The following PEPD variants were observed in gnomAD, a reference collection of about 807,000 sequenced individuals.
The protein encoded by PEPD is xaa-Pro dipeptidase.
PEPD carries 53 observed loss-of-function variants against 60.7 expected under a neutral mutation model. The ratio of observed to expected loss-of-function variants is 0.87; its 90% CI spans 0.70 to 1.10. The LOEUF is 1.10. PEPD is among the 50% of genes least tolerant of loss of function. The probability of loss-of-function intolerance (pLI) is 0.00; values close to 1 mark genes in which losing one functional copy is unlikely to be tolerated. For synonymous variants in PEPD, 267 were observed against 284.1 expected, an observed-to-expected ratio of 0.94 and a Z score of 0.60; for missense variants, 711 against 711.9, an observed-to-expected ratio of 1.00 and a Z score of 0.01.
chr19:33,511,997 T>C (rs944039939), intron 2 of PEPD, among the ~76,000 whole-genome samples: 50 of 152,124 alleles, frequency 3.3e-4, no homozygotes, highest in Non-Finnish European at 6.6e-4. Flanking sequence ...CGCCTTCCCA[T>C]ATCCTCTCCA....
At chr19:33,511,529 A>C (rs1970927000) in intron 2 of PEPD, 2 of 345,994 alleles carry the variant, frequency 5.8e-6, no homozygotes, top group Admixed American at 4.0e-5. Flanking sequence ...TCTGACGCCC[A>C]GGCCGGATAT....
intron 9 of PEPD, among the ~76,000 whole-genome samples, chr19:33,443,853 TATC>T (rs927004892): frequency 6.6e-6 from 1 of 152,032 alleles, no homozygotes; most frequent in Admixed American, 6.6e-5. Flanking sequence ...TGGGTGTACA[TATC>T]ACACACTTGC....
intron 11 of PEPD, among the ~76,000 whole-genome samples, chr19:33,406,151 G>A (rs1295303284): frequency 6.6e-6 from 1 of 152,202 alleles, no homozygotes; most frequent in African/African-American, 2.4e-5. Context: ...CTTGGCAGGC[G>A]GGAGGGAGAG....
intron 9 of PEPD, among the ~76,000 whole-genome samples, chr19:33,451,646 T>C (rs1176268230): frequency 1.3e-5 from 2 of 152,182 alleles, no homozygotes; most frequent in Non-Finnish European, 2.9e-5. Context: ...ATTTGAACAA[T>C]GAGTATGCTG....
chr19:33,512,858 G>A (rs948633066), intron 1 of PEPD, 82 bp from the exon 2 acceptor site: 15 of 1,502,164 alleles, frequency 1.0e-5, no homozygotes, highest in African/African-American at 6.9e-5. Context: ...CGGGGTGACC[G>A]GAGGCCCGAG....
intron 9 of PEPD, among the ~76,000 whole-genome samples, chr19:33,432,010 A>AAAAAAAG (rs1031542443): frequency 6.8e-6 from 1 of 147,514 alleles, no homozygotes; most frequent in African/African-American, 2.6e-5. Context: ...AAAAAAAAAA[A>AAAAAAAG]GGGAAGATTA....
Position 33,407,782 on chromosome 19 carries a change from G to A in PEPD, c.818+3890C>T, listed in dbSNP as rs189071060. Among the ~76,000 whole-genome samples, 230 of 152,340 alleles carry A rather than the reference G, an allele frequency of 1.5e-3. 1 individual carries two copies. The highest frequency in any genetic ancestry group is 2.2e-3 in the Non-Finnish European group (149 of 68,034). On this transcript the variant is annotated intron_variant, in intron 11 of 14. Coordinates refer to ENST00000244137, the MANE Select transcript of PEPD (RefSeq NM_000285.4). ...CTCTGAGAACAACAGCAAAACCCCC[G>A]GAGGCTTGACGGCTACAGGCCCCAC...
intron 9 of PEPD, among the ~76,000 whole-genome samples, chr19:33,448,754 C>T (rs192760434): frequency 5.4e-4 from 82 of 152,264 alleles, no homozygotes; most frequent in Non-Finnish European, 9.8e-4. Flanking sequence ...GTAGCAAGCA[C>T]CACGCTGCTG....
At chr19:33,431,202 G>A (rs556300205) in intron 9 of PEPD, among the ~76,000 whole-genome samples, 1 of 147,592 alleles carries the variant, frequency 6.8e-6, no homozygotes, top group South Asian at 2.2e-4. Flanking sequence ...GAGGGAGGGA[G>A]AGAGGGAGGG....
At position 33,393,276 on chromosome 19, in the gene PEPD, T is replaced by TGGGGTCTGGCGTGGGGGAGAGCCC. The variant is rs1338920685; in HGVS notation, c.968-1821_968-1798dup. Among the ~76,000 whole-genome samples the TGGGGTCTGGCGTGGGGGAGAGCCC allele has an allele frequency of 4.6e-3, 653 of 141,528 alleles. 5 individuals carry two copies. Among genetic ancestry groups the TGGGGTCTGGCGTGGGGGAGAGCCC allele is most frequent in the African/African-American group, 0.017 (619 of 37,482 alleles). 92.8% of individuals were successfully genotyped at this position (141,528 alleles called of 152,430 possible). On this transcript the variant is annotated intron_variant, in intron 12 of 14. Transcript: ENST00000244137. Reference sequence around the variant, plus strand: ...CTGGCGTGGGGGAGGGCCCGGGGTCTGGGGTCTGGCGTGGGGGAGAGCCCG... The same window carrying TGGGGTCTGGCGTGGGGGAGAGCCC: ...CTGGCGTGGGGGAGGGCCCGGGGTCTGGGGTCTGGCGTGGGGGAGAGCCCGGGGTCTGGCGTGGGGGAGAGCCCG...
At chr19:33,440,986 C>T (rs901638264) in intron 9 of PEPD, among the ~76,000 whole-genome samples, 1 of 152,198 alleles carries the variant, frequency 6.6e-6, no homozygotes, top group Non-Finnish European at 1.5e-5. Context: ...CATCAGCCTG[C>T]TTGGCCGGGA....
At chr19:33,401,996 A>C in intron 11 of PEPD, 127 bp from the exon 12 acceptor site, 32 of 830,314 alleles carry the variant, frequency 3.9e-5, no homozygotes, top group Middle Eastern at 3.2e-4. Context: ...CCCCCTCACA[A>C]TGAGACCGGT....
At chr19:33,448,363 T>C (rs978735771) in intron 9 of PEPD, among the ~76,000 whole-genome samples, 1 of 151,954 alleles carries the variant, frequency 6.6e-6, no homozygotes, top group African/African-American at 2.4e-5. Flanking sequence ...GAGGTGGGCG[T>C]CTGGTCCACC....
At chr19:33,496,679 A>T (rs33826) in intron 4 of PEPD, among the ~76,000 whole-genome samples, 140,932 of 150,542 alleles carry the variant, frequency 0.94, 65,672 homozygotes, top group Non-Finnish European at 0.98. Context: ...GGGACCTCTC[A>T]CACCCTGCGC....
At chr19:33,449,286 C>T (rs1405660190) in intron 9 of PEPD, among the ~76,000 whole-genome samples, 1 of 152,220 alleles carries the variant, frequency 6.6e-6, no homozygotes, top group Non-Finnish European at 1.5e-5. Context: ...ACCGTTCCTC[C>T]CCCTTTCTTC....
intron 9 of PEPD, among the ~76,000 whole-genome samples, chr19:33,422,827 TATCTATCTATCC>T (rs1417735371): frequency 2.5e-4 from 23 of 92,766 alleles, no homozygotes; most frequent in Non-Finnish European, 4.8e-4. Flanking sequence ...TATATCTATC[TATCTATCTATCC>T]ATCTATCCAT....
intron 12 of PEPD, among the ~76,000 whole-genome samples, chr19:33,395,910 C>T (rs1362124708): frequency 6.6e-6 from 1 of 152,166 alleles, no homozygotes; most frequent in African/African-American, 2.4e-5. Context: ...ACCTCCAGCT[C>T]ACCCCACCCT....
chr19:33,459,195 C>T (rs1256176749), intron 9 of PEPD, among the ~76,000 whole-genome samples: 3 of 152,066 alleles, frequency 2.0e-5, no homozygotes, highest in Non-Finnish European at 4.4e-5. Flanking sequence ...ACACGGTACC[C>T]GTCACACTAC....
At chr19:33,411,343 G>C (rs936018443) in intron 11 of PEPD, among the ~76,000 whole-genome samples, 3 of 152,186 alleles carry the variant, frequency 2.0e-5, no homozygotes, top group African/African-American at 4.8e-5. Context: ...GGTGCCCCCT[G>C]AACGGAGAGG....
Sources: allele counts gnomAD v4.1 joint callset (sites outside exome capture counted in the v4.1 genomes callset), GRCh38; gene constraint gnomAD v4.1.1; transcripts MANE v1.5; gene names NCBI Gene and HGNC (gene_info 2026-07-23, HGNC 2026-07-21).